The following DENND1A variants were observed in gnomAD, a reference collection of about 807,000 sequenced individuals.
DENND1A encodes DENN domain-containing protein 1A.
Under a neutral mutation model 113.7 loss-of-function variants are expected in DENND1A, and 51 were observed. The ratio of observed to expected loss-of-function variants is 0.45; its 90% CI spans 0.36 to 0.57. The LOEUF (loss-of-function observed/expected upper bound fraction) is 0.57. Among genes scored for constraint, DENND1A ranks in the 20% least tolerant of loss-of-function variants. DENND1A has a pLI of 0.00. For missense variants in DENND1A, 1,258 were observed against 1,395.9 expected, an observed-to-expected ratio of 0.90 and a Z score of 1.57; for synonymous variants, 565 against 570.8, an observed-to-expected ratio of 0.99 and a Z score of 0.14.
intron 13 of DENND1A, among the ~76,000 whole-genome samples, chr9:123,464,135 C>T (rs2048750722): frequency 6.6e-6 from 1 of 152,164 alleles, no homozygotes; most frequent in East Asian, 1.9e-4. Context: ...TCCATCCACA[C>T]ACCCAAACAT....
At chr9:123,703,404 G>A (rs2065995536) in intron 5 of DENND1A, among the ~76,000 whole-genome samples, 1 of 152,156 alleles carries the variant, frequency 6.6e-6, no homozygotes. Context: ...TGTGATCAAA[G>A]TTAAGTTGTT....
intron 2 of DENND1A, among the ~76,000 whole-genome samples, chr9:123,865,197 TAGCAGTGGTC>T (rs1372184418): frequency 1.3e-5 from 2 of 152,220 alleles, no homozygotes; most frequent in African/African-American, 4.8e-5. Context: ...GTGAAAAATG[TAGCAGTGGTC>T]AGCTCTAAAT....
intron 5 of DENND1A, among the ~76,000 whole-genome samples, chr9:123,707,663 A>G (rs941436725): frequency 2.0e-5 from 3 of 152,182 alleles, no homozygotes; most frequent in Non-Finnish European, 4.4e-5. Flanking sequence ...CCATGACAAG[A>G]GCAGATTCAG....
chr9:123,556,882 G>A (rs1316330102), intron 13 of DENND1A, among the ~76,000 whole-genome samples: 3 of 152,226 alleles, frequency 2.0e-5, no homozygotes, highest in Non-Finnish European at 4.4e-5. Flanking sequence ...ACTGCCCTTG[G>A]TTTCAGAGAA....
intron 12 of DENND1A, among the ~76,000 whole-genome samples, chr9:123,577,449 C>T (rs1360972113): frequency 6.6e-6 from 1 of 152,124 alleles, no homozygotes; most frequent in Non-Finnish European, 1.5e-5. Context: ...TCATATCTGT[C>T]ACTTCTGAGT....
At position 123,757,807 on chromosome 9, in the gene DENND1A, T is replaced by G. The variant is rs1299810345; in HGVS notation, c.198A>C (p.Gln66His). The G allele has an allele frequency of 1.2e-6, 2 of 1,613,910 alleles. No homozygotes were observed. Among genetic ancestry groups the G allele is most frequent in the East Asian group, 4.5e-5 (2 of 44,834 alleles). Reference sequence around the variant, plus strand: ...GCACGAATGTGAAGTTCTGGCCAACTTGGCTAACTGTGAGGCTGCAGCAAA... The same window carrying G: ...GCACGAATGTGAAGTTCTGGCCAACGTGGCTAACTGTGAGGCTGCAGCAAA... Reference protein sequence around the residue: ...PFYVDSLTVSQVGQNFTFVLT... With the variant: ...PFYVDSLTVSHVGQNFTFVLT... The change falls in exon 5 of 24, where the codon CAA (glutamine) becomes CAC (histidine). Residue 66 changes from glutamine to histidine, a missense_variant. Gln to His is a conservative substitution (Grantham distance 24). This residue lies in a region of DENND1A where 99 missense variants were observed against 164.2 expected (regional missense o/e 0.60). Coordinates refer to ENST00000394215, the MANE Select transcript of DENND1A (RefSeq NM_001352964.2).
intron 13 of DENND1A, among the ~76,000 whole-genome samples, chr9:123,532,159 C>T (rs180800397): frequency 7.5e-4 from 114 of 152,332 alleles, no homozygotes; most frequent in African/African-American, 2.6e-3. Flanking sequence ...TGCTCCCTGA[C>T]ATACTGATGG....
intron 13 of DENND1A, among the ~76,000 whole-genome samples, chr9:123,477,837 C>G (rs888875776): frequency 6.6e-6 from 1 of 152,050 alleles, no homozygotes. Flanking sequence ...AAATCCTGCT[C>G]GGGGACTGCC....
chr9:123,857,352 A>C (rs1844372167), intron 2 of DENND1A, among the ~76,000 whole-genome samples: 1 of 152,266 alleles, frequency 6.6e-6, no homozygotes. Context: ...TGAACAATTC[A>C]GTAACAACCT....
At chr9:123,633,259 G>A (rs2061558588) in intron 9 of DENND1A, among the ~76,000 whole-genome samples, 1 of 152,082 alleles carries the variant, frequency 6.6e-6, no homozygotes. Context: ...TTTGTTTCCT[G>A]ACTGTAAAGT....
intron 13 of DENND1A, among the ~76,000 whole-genome samples, chr9:123,540,591 C>T (rs1279424395): frequency 2.0e-5 from 3 of 152,210 alleles, no homozygotes; most frequent in East Asian, 3.8e-4. Flanking sequence ...GCCCAGCAGT[C>T]ACAGAGACCC....
At chr9:123,869,900 G>A (rs1408470178) in intron 2 of DENND1A, among the ~76,000 whole-genome samples, 1 of 151,548 alleles carries the variant, frequency 6.6e-6, no homozygotes, top group East Asian at 1.9e-4. Context: ...GCTGAGGTGG[G>A]AGGATCACCT....
chr9:123,383,194 G>A (rs1346523168), intron 23 of DENND1A, among the ~76,000 whole-genome samples: 4 of 152,254 alleles, frequency 2.6e-5, no homozygotes, highest in Non-Finnish European at 5.9e-5. Flanking sequence ...ACTTGCAAGT[G>A]AGGAAACTGA....
intron 19 of DENND1A, chr9:123,413,623 G>A: frequency 1.0e-6 from 1 of 985,538 alleles, no homozygotes; most frequent in Non-Finnish European, 1.2e-6. Context: ...TTCCCTGGCG[G>A]CACATGGAGA....
chr9:123,609,359 G>A (rs1228369179), intron 11 of DENND1A, 77 bp downstream of exon 11: 1 of 1,513,776 alleles, frequency 6.6e-7, no homozygotes, highest in Non-Finnish European at 9.1e-7. Flanking sequence ...TGACTGCTGA[G>A]ACTGGGTCTC....
intron 10 of DENND1A, among the ~76,000 whole-genome samples, chr9:123,617,198 T>A (rs1318706425): frequency 1.3e-5 from 2 of 152,184 alleles, no homozygotes; most frequent in South Asian, 4.1e-4. Flanking sequence ...CCCAGCCCTC[T>A]CCGATTTATG....
chr9:123,418,059 A>G (rs2044892696), intron 19 of DENND1A, among the ~76,000 whole-genome samples: 1 of 152,184 alleles, frequency 6.6e-6, no homozygotes, highest in Non-Finnish European at 1.5e-5. Context: ...TTTTCTTCTG[A>G]GCTCAGTGGG....
chr9:123,702,168 C>A (rs756290880), intron 5 of DENND1A, among the ~76,000 whole-genome samples: 1 of 151,148 alleles, frequency 6.6e-6, no homozygotes, highest in African/African-American at 2.4e-5. Context: ...TAAATAAAAA[C>A]GCAATAGAGA....
chr9:123,524,357 A>G (rs1026270880), intron 13 of DENND1A, among the ~76,000 whole-genome samples: 3 of 152,224 alleles, frequency 2.0e-5, no homozygotes, highest in African/African-American at 7.2e-5. Context: ...TGCGGGTTGG[A>G]TGGTCGGGCT....
Sources: allele counts gnomAD v4.1 joint callset (sites outside exome capture counted in the v4.1 genomes callset), GRCh38; gene constraint gnomAD v4.1.1; regional missense constraint gnomAD v4.1.1; transcripts MANE v1.5; gene names NCBI Gene and HGNC (gene_info 2026-07-23, HGNC 2026-07-21).